FBXO31: variants seen among roughly 807,000 people sequenced by gnomAD.
FBXO31 encodes F-box protein 31.
A neutral mutation model predicts 54.4 loss-of-function variants in FBXO31; 24 were observed. The observed-to-expected ratio is 0.44, with a 90% CI of 0.32 to 0.62. FBXO31 has a LOEUF of 0.62. FBXO31 is among the 20% of genes least tolerant of loss of function. FBXO31 has a pLI of 0.05. For synonymous variants in FBXO31, 388 were observed against 335.6 expected, an observed-to-expected ratio of 1.16 and a Z score of -1.71; for missense variants, 665 against 787.1, an observed-to-expected ratio of 0.84 and a Z score of 1.86.
At position 87,358,309 on chromosome 16, in the gene FBXO31, C is replaced by T. The variant is rs1484948917; in HGVS notation, c.412+1986G>A. ...CAAAAAGCCACGAGGTCCGCTTGCT[C>T]CAGGACCAAAGCTGTCCCATGTGTG... is the stretch of plus-strand genomic sequence containing the variant. On this transcript the variant is annotated intron_variant, in intron 2 of 8. Transcript: ENST00000311635. The surrounding 1 kb of genome is among the most constrained non-coding windows in gnomAD (Gnocchi z 4.0). 6.6e-6 allele frequency: 1 copy of T among 152,568 alleles called. No individual in the cohort carries two copies. The highest frequency in any genetic ancestry group is 2.4e-5 in the African/African-American group (1 of 41,416). The allele number at this position is 152,568 out of a possible 1,614,324, so 9.5% of individuals were successfully genotyped here.
chr16:87,331,081 A>T lies in FBXO31; in HGVS notation c.*207T>A. ...TCTCTGTTTTTGGTAAGACATGCTC[A>T]GCTTCTTCCATCATGGCACTGACAA... On this transcript the variant is annotated 3_prime_UTR_variant, in exon 9 of 9. Transcript: ENST00000311635. 5.3e-6 allele frequency: 3 copies of T among 569,016 alleles called. No homozygotes were observed. Among genetic ancestry groups the T allele is most frequent in the Non-Finnish European group, 9.4e-6 (3 of 318,772 alleles). The allele number at this position is 569,016 out of a possible 1,614,324, so 35.2% of individuals were successfully genotyped here. A position where few individuals can be genotyped will look rare whatever the true frequency, so the allele number is the denominator to read the frequency against.
intron 1 of FBXO31, among the ~76,000 whole-genome samples, chr16:87,376,204 G>T (rs1445377041): frequency 3.9e-5 from 6 of 152,030 alleles, no homozygotes; most frequent in Admixed American, 2.0e-4. Context: ...ACAGGCAGAG[G>T]TTCCCTTTTT....
intron 2 of FBXO31, among the ~76,000 whole-genome samples, chr16:87,354,055 G>A (rs1056350749): frequency 3.9e-5 from 6 of 152,238 alleles, no homozygotes; most frequent in Non-Finnish European, 7.3e-5. Flanking sequence ...CAGTTTCAGA[G>A]GAATGGACAT....
chr16:87,341,590 A>C (rs1209899851), intron 5 of FBXO31, among the ~76,000 whole-genome samples: 1 of 146,498 alleles, frequency 6.8e-6, no homozygotes, highest in Middle Eastern at 3.4e-3. Flanking sequence ...GGGAAGGCGG[A>C]AGTTGCAGTG....
upstream of FBXO31, among the ~76,000 whole-genome samples, chr16:87,390,739 G>A (rs983795051): frequency 3.9e-5 from 6 of 152,108 alleles, no homozygotes; most frequent in African/African-American, 7.2e-5. Context: ...CGCACCTGGC[G>A]CGAGAAATAT....
At chr16:87,392,104 G>C, upstream of FBXO31, 1 of 267,252 alleles carries the variant, frequency 3.7e-6, no homozygotes, top group East Asian at 7.0e-5. Context: ...CAGGCGCCCA[G>C]CGGTGCTGGG....
intron 1 of FBXO31, among the ~76,000 whole-genome samples, chr16:87,363,422 A>G (rs1906221209): frequency 6.6e-6 from 1 of 152,174 alleles, no homozygotes. Context: ...ACACCGGCTC[A>G]TCTCCTTTGC....
chr16:87,348,234 G>A (rs1361836019), intron 2 of FBXO31, among the ~76,000 whole-genome samples: 1 of 152,022 alleles, frequency 6.6e-6, no homozygotes, highest in Non-Finnish European at 1.5e-5. Context: ...CACCCTACCT[G>A]CCCGCTCTCC....
chr16:87,357,540 C>A (rs890529080), intron 2 of FBXO31, among the ~76,000 whole-genome samples: 6 of 152,078 alleles, frequency 3.9e-5, no homozygotes, highest in African/African-American at 1.4e-4. Flanking sequence ...GTTGGCCAGA[C>A]AGGTCTCGAA....
At chr16:87,350,170 G>A (rs1194369415) in intron 2 of FBXO31, among the ~76,000 whole-genome samples, 1 of 152,070 alleles carries the variant, frequency 6.6e-6, no homozygotes, top group Non-Finnish European at 1.5e-5. Flanking sequence ...GCACTGGAGT[G>A]GCAAGACCAC....
chr16:87,333,242 C>T (rs192138822), intron 8 of FBXO31, among the ~76,000 whole-genome samples: 5 of 150,482 alleles, frequency 3.3e-5, no homozygotes, highest in Admixed American at 1.3e-4. Context: ...CCATGTCAGC[C>T]GCCCAAGCCC....
intron 1 of FBXO31, chr16:87,362,598 T>G (rs556668918): frequency 6.6e-6 from 1 of 152,462 alleles, no homozygotes; most frequent in African/African-American, 2.4e-5. Flanking sequence ...TCTCGCTCTG[T>G]TGCCCAGGCT....
Position 87,346,184 on chromosome 16 carries a change from C to G in FBXO31, c.489+990G>C, listed in dbSNP as rs890277549. Among the ~76,000 whole-genome samples the G allele has an allele frequency of 2.0e-5, 3 of 152,278 alleles. No homozygotes were observed. In the East Asian group the frequency reaches 5.8e-4, roughly 30 times the overall value. Reference sequence around the variant, plus strand: ...ACCCGGAATGAGAACGGGACGCTTCCCCAAGCCTGAGACGCGCGCATACCC... The same window carrying G: ...ACCCGGAATGAGAACGGGACGCTTCGCCAAGCCTGAGACGCGCGCATACCC... On this transcript the variant is annotated intron_variant, in intron 3 of 8. Transcript: ENST00000311635. This position sits in a 1 kb window ranked among gnomAD's most constrained non-coding sequence, Gnocchi z 4.2.
chr16:87,361,677 G>GTTTATTTA (rs1906139757), intron 1 of FBXO31, among the ~76,000 whole-genome samples: 1 of 152,224 alleles, frequency 6.6e-6, no homozygotes, highest in Non-Finnish European at 1.5e-5. Context: ...TCGCGCAGAG[G>GTTTATTTA]CCTCATCCCT....
At chr16:87,366,585 T>C (rs1906377648) in intron 1 of FBXO31, among the ~76,000 whole-genome samples, 1 of 152,082 alleles carries the variant, frequency 6.6e-6, no homozygotes, top group Admixed American at 6.6e-5. Context: ...AGGGGTCACC[T>C]GGAAACAGCC....
chr16:87,369,059 G>A (rs1267319243), intron 1 of FBXO31, among the ~76,000 whole-genome samples: 2 of 152,092 alleles, frequency 1.3e-5, no homozygotes, highest in Non-Finnish European at 2.9e-5. Flanking sequence ...AAAGTGCTAG[G>A]AATACAGGCG....
chr16:87,357,052 C>A (rs1342085083), intron 2 of FBXO31, among the ~76,000 whole-genome samples: 1 of 152,082 alleles, frequency 6.6e-6, no homozygotes, highest in African/African-American at 2.4e-5. Context: ...ACAAGACCAG[C>A]CTGGGCAACA....
Position 87,377,306 on chromosome 16 carries a change from T to C in FBXO31, c.340+6099A>G, listed in dbSNP as rs1233685341. On this transcript the variant is annotated intron_variant, in intron 1 of 8. Transcript: ENST00000311635. ...TAAAAAGATACAAAAATTAGCCAGG[T>C]GTGTTGGCACGTGCCTATAGTCTCA... 3.3e-5 allele frequency among the ~76,000 whole-genome samples: 5 copies of C among 151,976 alleles called. No homozygotes were observed. The South Asian group carries it at 6.2e-4, about 19-fold the overall frequency.
At chr16:87,366,433 G>A (rs1046872283) in intron 1 of FBXO31, among the ~76,000 whole-genome samples, 1 of 152,164 alleles carries the variant, frequency 6.6e-6, no homozygotes, top group Admixed American at 6.5e-5. Flanking sequence ...GGTGGCAAGG[G>A]CCCAGACAGA....
Sources: allele counts gnomAD v4.1 joint callset (sites outside exome capture counted in the v4.1 genomes callset), GRCh38; gene constraint gnomAD v4.1.1; non-coding constraint Gnocchi (gnomAD v3.1); transcripts MANE v1.5; gene names NCBI Gene and HGNC (gene_info 2026-07-23, HGNC 2026-07-21).